Variants in TNFRSF10D observed in about 807,000 individuals in gnomAD.
TNFRSF10D encodes TNF receptor superfamily member 10d, also known as tumor necrosis factor receptor superfamily member 10D.
TNFRSF10D carries 28 observed loss-of-function variants against 42.1 expected under a neutral mutation model. That is an observed-to-expected ratio of 0.66 (90% CI 0.49 to 0.91). The LOEUF (loss-of-function observed/expected upper bound fraction) is 0.91. TNFRSF10D is among the 40% of genes least tolerant of loss of function. The probability of loss-of-function intolerance (pLI) is 0.00; values close to 1 mark genes in which losing one functional copy is unlikely to be tolerated. For missense variants in TNFRSF10D, 503 were observed against 486.1 expected (o/e 1.03, Z -0.33); for synonymous variants, 186 against 189.4 (o/e 0.98, Z 0.15).
intron 7 of TNFRSF10D, among the ~76,000 whole-genome samples, chr8:23,140,149 C>T (rs533702301): frequency 1.0e-3 from 155 of 152,136 alleles, no homozygotes; most frequent in African/African-American, 3.6e-3. Context: ...ACTAACCAGG[C>T]GTGGCAGTGT....
chr8:23,135,867 C>A lies in TNFRSF10D; in HGVS notation c.*2003G>T. 1 of 450,484 alleles carries A rather than the reference C, an allele frequency of 2.2e-6. No homozygotes were observed. The highest frequency in any genetic ancestry group is 1.6e-5 in the South Asian group (1 of 63,942). 27.9% of individuals were successfully genotyped at this position (450,484 alleles called of 1,614,324 possible). A position where few individuals can be genotyped will look rare whatever the true frequency, so the allele number is the denominator to read the frequency against. ...ACTGGCTCTCTCTGAGCTTTGAGAC[C>A]AAGTCTCCTGCACAGAAGGCCCAGC... On this transcript the variant is annotated 3_prime_UTR_variant, in exon 9 of 9. Coordinates refer to ENST00000312584, the MANE Select transcript of TNFRSF10D (RefSeq NM_003840.5).
At chr8:23,161,404 C>T (rs1365519551) in intron 1 of TNFRSF10D, among the ~76,000 whole-genome samples, 391 of 151,312 alleles carry the variant, frequency 2.6e-3, no homozygotes, top group African/African-American at 8.5e-3. Context: ...CAGTCCAACG[C>T]TGACAGAGCC....
intron 1 of TNFRSF10D, among the ~76,000 whole-genome samples, chr8:23,156,837 G>A (rs143763290): frequency 2.3e-3 from 350 of 152,258 alleles, no homozygotes; most frequent in African/African-American, 6.6e-3. Context: ...AAAGTACTAG[G>A]ATTACAGGCG....
At position 23,138,225 on chromosome 8, in the gene TNFRSF10D, C is replaced by T. The variant is rs1303010699; in HGVS notation, c.990G>A (p.Arg330=). 1.1e-5 allele frequency: 17 copies of T among 1,614,244 alleles called. No homozygotes were observed. The highest frequency in any genetic ancestry group is 1.4e-5 in the Non-Finnish European group (17 of 1,180,044). ...CAGCGTCATTCACTGGAACCAGCAG[C>T]CTCCTCCTCTGACACCCTTCAGCTT... The part of the protein sequence containing the change: ...QAEAEGCQRR[R]LLVPVNDADS... The change falls in exon 8 of 9, where the codon AGG becomes AGA. Residue 330 remains arginine, a synonymous_variant. Coordinates refer to ENST00000312584, the MANE Select transcript of TNFRSF10D (RefSeq NM_003840.5).
rs754406531 is a variant in TNFRSF10D at position 23,136,134 on chromosome 8, C to T, written c.*1736G>A. 1 of 308,198 alleles carries T rather than the reference C, an allele frequency of 3.2e-6. No homozygotes were observed. The highest frequency in any genetic ancestry group is 2.9e-5 in the South Asian group (1 of 34,048). The allele number at this position is 308,198 out of a possible 1,614,324, so 19.1% of individuals were successfully genotyped here. On this transcript the variant is annotated 3_prime_UTR_variant, in exon 9 of 9. Transcript: ENST00000312584. ...GCCTTGAGATGGAAAAGACTGAAAC[C>T]CCTAGAATGACTATATCCGTAATTT... is the stretch of plus-strand genomic sequence containing the variant.
intron 1 of TNFRSF10D, among the ~76,000 whole-genome samples, chr8:23,157,337 T>C (rs1299126818): frequency 6.6e-6 from 1 of 152,264 alleles, no homozygotes; most frequent in Non-Finnish European, 1.5e-5. Flanking sequence ...ATTTCTTCTC[T>C]GAACCACAGA....
At position 23,136,702 on chromosome 8, in the gene TNFRSF10D, T is replaced by A. The variant is rs1056172508; in HGVS notation, c.*1168A>T. 9 of 152,086 alleles carry A rather than the reference T, an allele frequency of 5.9e-5. No homozygotes were observed. Among genetic ancestry groups the A allele is most frequent in the African/African-American group, 2.2e-4 (9 of 41,396 alleles). The allele number at this position is 152,086 out of a possible 1,614,324, so 9.4% of individuals were successfully genotyped here. A position where few individuals can be genotyped will look rare whatever the true frequency, so the allele number is the denominator to read the frequency against. ...GTCGGAAGATGCAGTCCCATGACTG[T>A]CCCAGCACGACAAACCAGACACATG... is the stretch of plus-strand genomic sequence containing the variant. On this transcript the variant is annotated 3_prime_UTR_variant, in exon 9 of 9. Transcript: ENST00000312584.
intron 2 of TNFRSF10D, among the ~76,000 whole-genome samples, chr8:23,154,055 T>A (rs1466763833): frequency 6.6e-6 from 1 of 152,216 alleles, no homozygotes; most frequent in Non-Finnish European, 1.5e-5. Context: ...AGAAGGAAAT[T>A]CTGTCATTTG....
At position 23,154,876 on chromosome 8, in the gene TNFRSF10D, G is replaced by C. The variant is rs762279091; in HGVS notation, c.254C>G (p.Ala85Gly). Residue 85 changes from alanine to glycine, a missense_variant and splice_region_variant, in exon 2 of 9, where the codon GCA (alanine) becomes GGA (glycine). Physicochemically the swap from Ala to Gly is moderately conservative, Grantham distance 60 (BLOSUM62 0). Transcript: ENST00000312584. ...GATTTTTAAAAATAAGAGTGCACCT[G>C]CTGGACACTCCTCCTCCTTGAGGCT... ...RRSLKEEECP[A>G]GSHRSEYTGA... The C allele has an allele frequency of 1.9e-6, 3 of 1,612,742 alleles. No homozygotes were observed. The highest frequency in any genetic ancestry group is 1.7e-6 in the Non-Finnish European group (2 of 1,179,364).
intron 7 of TNFRSF10D, among the ~76,000 whole-genome samples, chr8:23,143,619 C>G (rs1800065286): frequency 6.6e-6 from 1 of 151,916 alleles, no homozygotes; most frequent in African/African-American, 2.4e-5. Context: ...TGAACCTTGT[C>G]TAGGTAAGTA....
intron 2 of TNFRSF10D, among the ~76,000 whole-genome samples, chr8:23,149,122 A>G (rs184397641): frequency 0.049 from 7,119 of 144,246 alleles, 225 homozygotes; most frequent in East Asian, 0.09. Flanking sequence ...CCCGGGAGGC[A>G]GAGCTTGCAG....
At chr8:23,142,163 C>G (rs576308339) in intron 7 of TNFRSF10D, among the ~76,000 whole-genome samples, 1 of 152,194 alleles carries the variant, frequency 6.6e-6, no homozygotes, top group South Asian at 2.1e-4. Context: ...CCCAGCTACT[C>G]TGGAGGCTGA....
intron 7 of TNFRSF10D, among the ~76,000 whole-genome samples, chr8:23,144,115 T>A (rs1800072776): frequency 6.6e-6 from 1 of 152,228 alleles, no homozygotes; most frequent in South Asian, 2.1e-4. Flanking sequence ...TTCCGCTGTT[T>A]CAAGCAAGGG....
chr8:23,154,821 C>T lies in TNFRSF10D; in HGVS notation c.256+53G>A, dbSNP rs928679076. 14 of 1,527,778 alleles carry T rather than the reference C, an allele frequency of 9.2e-6. No homozygotes were observed. The East Asian group carries it at 3.4e-4, about 37-fold the overall frequency. The allele number at this position is 1,527,778 out of a possible 1,614,324, so 94.6% of individuals were successfully genotyped here. On this transcript the variant is annotated intron_variant, in intron 2 of 8. Transcript: ENST00000312584. ...TCATGGTGTACACCATGAATATATACAATGTTTATCTGTCAACTAAAAATA... is the reference window on the plus strand; with the variant it reads ...TCATGGTGTACACCATGAATATATATAATGTTTATCTGTCAACTAAAAATA...
intron 2 of TNFRSF10D, 111 bp downstream of exon 2, chr8:23,154,763 A>G (rs1291767993): frequency 8.5e-7 from 1 of 1,180,022 alleles, no homozygotes; most frequent in African/African-American, 1.5e-5. Flanking sequence ...AGCTTGATTT[A>G]GCCATTTCAC....
chr8:23,138,071 C>T lies in TNFRSF10D; in HGVS notation c.1028-68G>A, dbSNP rs529788283. ...CGATCAGCACAGGATCGACATGGGG[C>T]CCCCTGCTTCCAGCAGTGAAACCTC... is the stretch of plus-strand genomic sequence containing the variant. On this transcript the variant is annotated intron_variant, in intron 8 of 8. Coordinates refer to ENST00000312584, the MANE Select transcript of TNFRSF10D (RefSeq NM_003840.5). 19 of 1,607,022 alleles carry T rather than the reference C, an allele frequency of 1.2e-5. No individual in the cohort carries two copies. In the East Asian group the frequency reaches 3.6e-4, roughly 30 times the overall value.
chr8:23,138,766 G>GA (rs1205658237), intron 7 of TNFRSF10D, among the ~76,000 whole-genome samples: 2 of 152,214 alleles, frequency 1.3e-5, no homozygotes, highest in African/African-American at 4.8e-5. Context: ...AGTCTCTATG[G>GA]AGGCTGGAAA....
In TNFRSF10D at chr8:23,136,096, C is replaced by A; in HGVS notation, c.*1774G>T. The A allele has an allele frequency of 5.7e-6, 2 of 348,940 alleles. No homozygotes were observed. Among genetic ancestry groups the A allele is most frequent in the South Asian group, 2.4e-5 (1 of 42,542 alleles). The allele number at this position is 348,940 out of a possible 1,614,324, so 21.6% of individuals were successfully genotyped here. ...TGTCCCAGCCAAACCAGTCCCGGAA[C>A]AAAACACACAATGCCTTGAGATGGA... On this transcript the variant is annotated 3_prime_UTR_variant, in exon 9 of 9. Coordinates refer to ENST00000312584, the MANE Select transcript of TNFRSF10D (RefSeq NM_003840.5).
chr8:23,157,572 G>A (rs1157714957), intron 1 of TNFRSF10D, among the ~76,000 whole-genome samples: 2 of 152,170 alleles, frequency 1.3e-5, no homozygotes, highest in Non-Finnish European at 2.9e-5. Context: ...GTGGTTGATA[G>A]TGTGCAGATC....
Sources: allele counts gnomAD v4.1 joint callset (sites outside exome capture counted in the v4.1 genomes callset), GRCh38; gene constraint gnomAD v4.1.1; transcripts MANE v1.5; gene names NCBI Gene and HGNC (gene_info 2026-07-23, HGNC 2026-07-21).